CMSS1: variants seen among roughly 807,000 people sequenced by gnomAD.
The protein encoded by CMSS1 is cms1 ribosomal small subunit homolog, also known as protein CMSS1.
CMSS1 carries 33 observed loss-of-function variants against 43.5 expected under a neutral mutation model. That is an observed-to-expected ratio of 0.76 (90% confidence interval 0.57 to 1.01). The LOEUF (loss-of-function observed/expected upper bound fraction) is 1.01, where lower values mean the gene tolerates loss of function less well. Among genes scored for constraint, CMSS1 ranks in the 50% least tolerant of loss-of-function variants. CMSS1 has a pLI of 0.00. For synonymous variants in CMSS1, 115 were observed against 117.2 expected (o/e 0.98, Z 0.12); for missense variants, 313 against 326.4 (o/e 0.96, Z 0.32).
intron 1 of CMSS1, among the ~76,000 whole-genome samples, chr3:100,052,841 T>C (rs1381502205): frequency 6.6e-6 from 1 of 152,234 alleles, no homozygotes; most frequent in Non-Finnish European, 1.5e-5. Flanking sequence ...ATATTTGATC[T>C]TGTTTTTAAA....
chr3:99,893,796 C>T (rs558430819), intron 1 of CMSS1, among the ~76,000 whole-genome samples: 14 of 152,254 alleles, frequency 9.2e-5, no homozygotes, highest in Admixed American at 8.5e-4. Context: ...GCCAGCATCC[C>T]TTTATCAAAT....
At chr3:100,107,448 T>C (rs2066414146) in intron 1 of CMSS1, among the ~76,000 whole-genome samples, 1 of 152,146 alleles carries the variant, frequency 6.6e-6, no homozygotes, top group Non-Finnish European at 1.5e-5. Flanking sequence ...GAGTGATGAA[T>C]CCACGGGTGT....
At position 99,983,389 on chromosome 3, in the gene CMSS1, A is replaced by AATATGTATAT. The variant is rs1553702701; in HGVS notation, c.65-163580_65-163579insGTATATATAT. Among the ~76,000 whole-genome samples the AATATGTATAT allele has an allele frequency of 1.2e-3, 48 of 40,796 alleles. 1 individual carries two copies. The highest frequency in any genetic ancestry group is 3.3e-3 in the East Asian group (4 of 1,220). 26.8% of individuals were successfully genotyped at this position (40,796 alleles called of 152,430 possible). ...TCTCTACTTAAAAAATAAATAAATA[A>AATATGTATAT]ATATATATATATATATATATATATA... On this transcript the variant is annotated intron_variant, in intron 1 of 9. Transcript: ENST00000421999.
intron 1 of CMSS1, chr3:99,848,956 G>A (rs1176838153): frequency 6.2e-7 from 1 of 1,614,128 alleles, no homozygotes; most frequent in Admixed American, 1.7e-5. Flanking sequence ...ATGGTCTGGA[G>A]TAACCTTTAT....
At chr3:100,008,264 T>G (rs1353055225) in intron 1 of CMSS1, among the ~76,000 whole-genome samples, 1 of 152,158 alleles carries the variant, frequency 6.6e-6, no homozygotes, top group African/African-American at 2.4e-5. Context: ...CCCAATTAGA[T>G]TCCCTGCCAG....
chr3:100,030,441 T>A (rs1237496798), intron 1 of CMSS1, among the ~76,000 whole-genome samples: 1 of 152,142 alleles, frequency 6.6e-6, no homozygotes, highest in Non-Finnish European at 1.5e-5. Flanking sequence ...TTCATCATAT[T>A]TGTAATAGGG....
At chr3:100,046,161 A>G (rs1485306489) in intron 1 of CMSS1, among the ~76,000 whole-genome samples, 1 of 152,174 alleles carries the variant, frequency 6.6e-6, no homozygotes, top group Non-Finnish European at 1.5e-5. Flanking sequence ...GGCTCATCAA[A>G]TTTCCCAGGG....
chr3:100,161,578 G>T (rs1040890003), intron 3 of CMSS1, among the ~76,000 whole-genome samples: 4 of 152,082 alleles, frequency 2.6e-5, no homozygotes, highest in African/African-American at 9.7e-5. Flanking sequence ...TGGGGTCAGG[G>T]GTGGGGAATG....
chr3:99,966,993 G>A (rs1020921187), intron 1 of CMSS1, among the ~76,000 whole-genome samples: 5 of 152,106 alleles, frequency 3.3e-5, no homozygotes, highest in Non-Finnish European at 5.9e-5. Context: ...TGGCTGTTAG[G>A]TGATCATTGC....
chr3:100,067,735 G>A (rs2065690963), intron 1 of CMSS1, among the ~76,000 whole-genome samples: 1 of 152,056 alleles, frequency 6.6e-6, no homozygotes, highest in African/African-American at 2.4e-5. Context: ...CTGAGTAGGT[G>A]CTAAATATAT....
chr3:100,088,599 T>G (rs1040023267), intron 1 of CMSS1, among the ~76,000 whole-genome samples: 1 of 152,146 alleles, frequency 6.6e-6, no homozygotes, highest in African/African-American at 2.4e-5. Context: ...CACACCAGTT[T>G]CCTCAGTCTT....
chr3:99,934,860 G>T (rs1269078070), intron 1 of CMSS1, among the ~76,000 whole-genome samples: 1 of 152,214 alleles, frequency 6.6e-6, no homozygotes, highest in East Asian at 1.9e-4. Context: ...CTTCTAAAGA[G>T]ATTAGAGTTT....
intron 1 of CMSS1, among the ~76,000 whole-genome samples, chr3:99,896,683 T>A (rs1706265378): frequency 6.6e-6 from 1 of 152,230 alleles, no homozygotes; most frequent in African/African-American, 2.4e-5. Context: ...ATTATAATTC[T>A]ACAATGATAG....
intron 1 of CMSS1, among the ~76,000 whole-genome samples, chr3:100,072,517 A>G (rs1211514544): frequency 6.6e-6 from 1 of 152,172 alleles, no homozygotes; most frequent in Non-Finnish European, 1.5e-5. Flanking sequence ...CAGTGGTGCA[A>G]TATCTTGCAT....
At chr3:100,156,189 A>T (rs1382205698) in intron 2 of CMSS1, among the ~76,000 whole-genome samples, 2 of 151,844 alleles carry the variant, frequency 1.3e-5, no homozygotes, top group African/African-American at 4.8e-5. Flanking sequence ...CAGTGGTACA[A>T]TCATAGCTCA....
Position 100,148,476 on chromosome 3 carries a change from T to G in CMSS1, c.153+1415T>G, listed in dbSNP as rs539899610. On this transcript the variant is annotated intron_variant, in intron 2 of 9. Coordinates refer to ENST00000421999, the MANE Select transcript of CMSS1 (RefSeq NM_032359.4). ...GGTCTTATTCTTATTGTAGGTGCTTTAAACTCATTACACCAGAGTGTTATT... is the reference window on the plus strand; with the variant it reads ...GGTCTTATTCTTATTGTAGGTGCTTGAAACTCATTACACCAGAGTGTTATT... Among the ~76,000 whole-genome samples, 3 of 152,324 alleles carry G rather than the reference T, an allele frequency of 2.0e-5. No individual in the cohort carries two copies. In the South Asian group the frequency reaches 6.2e-4, roughly 32 times the overall value.
intron 2 of CMSS1, among the ~76,000 whole-genome samples, chr3:100,156,308 T>C (rs993436462): frequency 3.7e-5 from 5 of 133,866 alleles, no homozygotes; most frequent in Non-Finnish European, 8.0e-5. Flanking sequence ...TCTTTTTTTT[T>C]TTTTTTTTTT....
chr3:99,913,561 G>A (rs955936507), intron 1 of CMSS1, among the ~76,000 whole-genome samples: 1 of 152,076 alleles, frequency 6.6e-6, no homozygotes, highest in African/African-American at 2.4e-5. Context: ...TAAATGAATT[G>A]CATCTATAAA....
In CMSS1 at chr3:99,849,176, G is replaced by T. The variant is rs762954322; in HGVS notation, c.64+31133G>T. On this transcript the variant is annotated intron_variant, in intron 1 of 9. Coordinates refer to ENST00000421999, the MANE Select transcript of CMSS1 (RefSeq NM_032359.4). ...CCCTCATCATTAGGGTCCTCGTCTTGATTCTCACTCTCCTCATATAACTGA... is the reference window on the plus strand; with the variant it reads ...CCCTCATCATTAGGGTCCTCGTCTTTATTCTCACTCTCCTCATATAACTGA... The T allele has an allele frequency of 3.7e-6, 6 of 1,614,038 alleles. No homozygotes were observed. In the Admixed American group the frequency reaches 1.0e-4, roughly 27 times the overall value.
Sources: gnomAD v4.1 joint callset for allele counts (sites outside exome capture counted in the v4.1 genomes callset) on GRCh38, gnomAD v4.1.1 for gene constraint, MANE v1.5 for transcripts, NCBI Gene and HGNC (gene_info 2026-07-23, HGNC 2026-07-21) for gene names.